The following BBS7 variants were observed in gnomAD, a reference collection of about 807,000 sequenced individuals.
BBS7 encodes the protein BBSome complex member BBS7.
BBS7 carries 50 observed loss-of-function variants against 90.3 expected under a neutral mutation model. That is an observed-to-expected ratio of 0.55 (90% CI 0.44 to 0.70). BBS7 has a LOEUF of 0.70. Ranked by LOEUF, BBS7 falls within the 30% of genes least tolerant of loss-of-function variation. BBS7 has a pLI of 0.00. For missense variants in BBS7, 729 were observed against 838.9 expected (o/e 0.87, Z 1.62); for synonymous variants, 235 against 287.4 (o/e 0.82, Z 1.85).
chr4:121,836,245 T>A (rs1468014203), intron 13 of BBS7, among the ~76,000 whole-genome samples: 2 of 152,180 alleles, frequency 1.3e-5, no homozygotes, highest in Admixed American at 1.3e-4. Context: ...TCATTTCACA[T>A]GACTAAGTTC....
At chr4:121,868,406 C>A (rs1308546074) in intron 1 of BBS7, among the ~76,000 whole-genome samples, 1 of 151,958 alleles carries the variant, frequency 6.6e-6, no homozygotes, top group African/African-American at 2.4e-5. Flanking sequence ...CGGAAGACCA[C>A]ATGCAGTGGC....
intron 14 of BBS7, 129 bp downstream of exon 14, chr4:121,835,015 A>G: frequency 1.1e-6 from 1 of 893,962 alleles, no homozygotes; most frequent in Non-Finnish European, 1.6e-6. Context: ...TAAATCTATA[A>G]TATTTAAACT....
chr4:121,858,381 TG>T (rs1726796000), intron 5 of BBS7, among the ~76,000 whole-genome samples: 1 of 152,136 alleles, frequency 6.6e-6, no homozygotes, highest in African/African-American at 2.4e-5. Context: ...TGTGTGTGTG[TG>T]TGTGTGTGCA....
chr4:121,841,561 C>T lies in BBS7; in HGVS notation c.1306-1865G>A, dbSNP rs558553285. 3.2e-3 allele frequency among the ~76,000 whole-genome samples: 483 copies of T among 151,330 alleles called. 3 individuals are homozygous for T. Among genetic ancestry groups the T allele is most frequent in the Non-Finnish European group, 3.9e-3 (265 of 67,742 alleles). Reference sequence around the variant, plus strand: ...AGCCTGGGTGACACAGTAAGACCCCCATCTTTTAAAAAAAAAAAAGACTAA... The same window carrying T: ...AGCCTGGGTGACACAGTAAGACCCCTATCTTTTAAAAAAAAAAAAGACTAA... On this transcript the variant is annotated intron_variant, in intron 12 of 18. Coordinates refer to ENST00000264499, the MANE Select transcript of BBS7 (RefSeq NM_176824.3).
At chr4:121,852,384 T>C (rs1726369662) in intron 8 of BBS7, among the ~76,000 whole-genome samples, 1 of 152,270 alleles carries the variant, frequency 6.6e-6, no homozygotes, top group African/African-American at 2.4e-5. Flanking sequence ...TCATGAAAAT[T>C]AAAGATTCAA....
At position 121,855,563 on chromosome 4, in the gene BBS7, T is replaced by C; in HGVS notation, c.529-2A>G. The C allele has an allele frequency of 1.2e-6, 2 of 1,612,696 alleles. No individual in the cohort carries two copies. Among genetic ancestry groups the C allele is most frequent in the Non-Finnish European group, 1.7e-6 (2 of 1,178,972 alleles). On this transcript the variant is annotated splice_acceptor_variant, in intron 5 of 18. Transcript: ENST00000264499. LOFTEE classifies it high-confidence loss of function. ...AACTGCATACATCACATCAGATCCCTGAAGGAGAAGTATTTAAAAACTGAA... is the reference window on the plus strand; with the variant it reads ...AACTGCATACATCACATCAGATCCCCGAAGGAGAAGTATTTAAAAACTGAA...
rs1299784433 is a variant in BBS7, at chr4:121,861,694, T to G, written c.166-15A>C. ...TTGAACACTGCCTGAAAAAAATCAT[T>G]CAGGAAAAAAGTACACAAATTACTT... On this transcript the variant is annotated splice_polypyrimidine_tract_variant and intron_variant, in intron 3 of 18. Coordinates refer to ENST00000264499, the MANE Select transcript of BBS7 (RefSeq NM_176824.3). 15 of 1,613,312 alleles carry G rather than the reference T, an allele frequency of 9.3e-6. No individual in the cohort carries two copies. The highest frequency in any genetic ancestry group is 1.3e-5 in the Non-Finnish European group (15 of 1,179,514).
intron 5 of BBS7, among the ~76,000 whole-genome samples, chr4:121,858,394 A>G (rs1415496626): frequency 6.6e-6 from 1 of 152,124 alleles, no homozygotes; most frequent in African/African-American, 2.4e-5. Flanking sequence ...GTGTGTGCAT[A>G]TATTTTATTG....
chr4:121,862,881 C>T lies in BBS7; in HGVS notation c.165+336G>A, dbSNP rs1727059576. ...CTAGAAAGGAACACAGCTCAGCTGA[C>T]ATCTAAATTGCAGCTGTGTGAAACC... On this transcript the variant is annotated intron_variant, in intron 3 of 18. Coordinates refer to ENST00000264499, the MANE Select transcript of BBS7 (RefSeq NM_176824.3). Among the ~76,000 whole-genome samples the T allele has an allele frequency of 2.6e-5, 4 of 152,202 alleles. No individual in the cohort carries two copies. In the South Asian group the frequency reaches 6.2e-4, roughly 24 times the overall value.
chr4:121,843,998 C>A lies in BBS7; in HGVS notation c.1234G>T (p.Asp412Tyr), dbSNP rs758567781. ...ACATCAAGTAAATCTATTGGAACAT[C>A]ACTCTATAGTCAATATTAAAAAAAA... Reference protein sequence around the residue: ...TAIDNVLIQSDVPIDLLDVDK... With the variant: ...TAIDNVLIQSYVPIDLLDVDK... Residue 412 changes from aspartate (D) to tyrosine (Y), a missense_variant, in exon 12 of 19, where the codon GAT becomes TAT. Asp to Tyr is a radical substitution (Grantham distance 160, BLOSUM62 -3). Coordinates refer to ENST00000264499, the MANE Select transcript of BBS7 (RefSeq NM_176824.3). 1.6e-5 allele frequency: 26 copies of A among 1,580,692 alleles called. No individual in the cohort carries two copies. Among genetic ancestry groups the A allele is most frequent in the Admixed American group, 5.1e-5 (3 of 58,326 alleles).
chr4:121,860,054 T>C (rs1380709691), intron 4 of BBS7, among the ~76,000 whole-genome samples: 1 of 152,110 alleles, frequency 6.6e-6, no homozygotes, highest in Non-Finnish European at 1.5e-5. Context: ...AAAAATTTTA[T>C]ATTAAAATTA....
Position 121,868,684 on chromosome 4 carries a change from C to CAAAAAAAAAA in BBS7, c.37-648_37-639dup, listed in dbSNP as rs34910805. On this transcript the variant is annotated intron_variant, in intron 1 of 18. Coordinates refer to ENST00000264499, the MANE Select transcript of BBS7 (RefSeq NM_176824.3). ...TGCGTGACAGAACAAGACCCTGTTT[C>CAAAAAAAAAA]AAAAAAAAAAAAAAAAAAAAAAAAA... is the stretch of plus-strand genomic sequence containing the variant. Among the ~76,000 whole-genome samples the CAAAAAAAAAA allele has an allele frequency of 1.4e-3, 69 of 49,686 alleles. 23 individuals carry two copies. The highest frequency in any genetic ancestry group is 3.3e-3 in the African/African-American group (36 of 11,062). 32.6% of individuals were successfully genotyped at this position (49,686 alleles called of 152,430 possible).
chr4:121,830,139 C>T (rs1420273966), intron 15 of BBS7, among the ~76,000 whole-genome samples: 4 of 152,158 alleles, frequency 2.6e-5, no homozygotes, highest in Admixed American at 6.5e-5. Flanking sequence ...TGGTGGCTCA[C>T]GCCTGTAATC....
At chr4:121,867,130 T>C (rs1727325879) in intron 2 of BBS7, among the ~76,000 whole-genome samples, 1 of 152,262 alleles carries the variant, frequency 6.6e-6, no homozygotes, top group Non-Finnish European at 1.5e-5. Context: ...GTTTTTTTTA[T>C]AGAGGTCTTT....
intron 5 of BBS7, 112 bp downstream of exon 5, chr4:121,858,880 A>G (rs1726826633): frequency 2.0e-6 from 2 of 982,006 alleles, no homozygotes; most frequent in Non-Finnish European, 3.0e-6. Flanking sequence ...TTGTTTCCAC[A>G]TGTTTATAAA....
At chr4:121,855,697 A>C in intron 5 of BBS7, 136 bp from the exon 6 acceptor site, 1 of 805,214 alleles carries the variant, frequency 1.2e-6, no homozygotes, top group Non-Finnish European at 2.0e-6. Context: ...TTAGGTTACG[A>C]ATACAACTTG....
rs766531821 is a variant in BBS7 at position 121,845,551 on chromosome 4, T to C, written c.1183A>G (p.Ser395Gly). The C allele has an allele frequency of 1.2e-6, 2 of 1,612,876 alleles. No individual in the cohort carries two copies. Among genetic ancestry groups the C allele is most frequent in the African/African-American group, 1.3e-5 (1 of 75,004 alleles). The change falls in exon 11 of 19, where the codon AGC becomes GGC. Residue 395 changes from serine (S) to glycine (G), a missense_variant. By Grantham distance (56) the Ser-to-Gly change is moderately conservative. Coordinates refer to ENST00000264499, the MANE Select transcript of BBS7 (RefSeq NM_176824.3). The part of the protein sequence containing the change: ...FTLNKDDASY[S>G]LILEVQTAID... ...GCAGTCTGTACCTCTAAGATAAGGCTGTAACTGGCATCATCTTTATTTAGT... is the reference window on the plus strand; with the variant it reads ...GCAGTCTGTACCTCTAAGATAAGGCCGTAACTGGCATCATCTTTATTTAGT...
chr4:121,837,370 T>C (rs988810389), intron 13 of BBS7, among the ~76,000 whole-genome samples: 2 of 152,214 alleles, frequency 1.3e-5, no homozygotes, highest in African/African-American at 4.8e-5. Context: ...AATTACCTAT[T>C]ATCGGTTAGA....
At chr4:121,862,984 T>C (rs181523680) in intron 3 of BBS7, among the ~76,000 whole-genome samples, 4 of 152,290 alleles carry the variant, frequency 2.6e-5, no homozygotes, top group Non-Finnish European at 4.4e-5. Flanking sequence ...TTTGGGGTAA[T>C]ATATTACACA....
Sources: gnomAD v4.1 joint callset for allele counts (sites outside exome capture counted in the v4.1 genomes callset) on GRCh38, gnomAD v4.1.1 for gene constraint, MANE v1.5 for transcripts, NCBI Gene and HGNC (gene_info 2026-07-23, HGNC 2026-07-21) for gene names.